CSMD1: variants seen among roughly 807,000 people sequenced by gnomAD.
CSMD1 encodes the protein CUB and sushi domain-containing protein 1.
In CSMD1, 213 loss-of-function variants were observed where a neutral mutation model predicts 417.5. The ratio of observed to expected loss-of-function variants is 0.51; its 90% confidence interval spans 0.46 to 0.57. The LOEUF (loss-of-function observed/expected upper bound fraction) is 0.57, where lower values mean the gene tolerates loss of function less well. Among genes scored for constraint, CSMD1 ranks in the 20% least tolerant of loss-of-function variants. The pLI is 0.00. For missense variants in CSMD1, 6,923 were observed against 4,529.7 expected, an observed-to-expected ratio of 1.53 and a Z score of -15.17; for synonymous variants, 2,862 against 1,736.8, an observed-to-expected ratio of 1.65 and a Z score of -16.11.
intron 36 of CSMD1, among the ~76,000 whole-genome samples, chr8:3,185,306 A>C (rs1318268036): frequency 2.0e-5 from 3 of 152,240 alleles, no homozygotes; most frequent in Non-Finnish European, 1.5e-5. Context: ...AACTGAAATT[A>C]ATAAAAAGGA....
In CSMD1 at chr8:4,022,456, G is replaced by A. The variant is rs537224817; in HGVS notation, c.610+9449C>T. On this transcript the variant is annotated intron_variant, in intron 4 of 69. Coordinates refer to ENST00000635120, the MANE Select transcript of CSMD1 (RefSeq NM_033225.6). ...ATCCATGGGCGTGGATGCAGATAAG[G>A]ACATTTGCAGCCTTGCTCAGGTTTA... 2.0e-5 allele frequency among the ~76,000 whole-genome samples: 3 copies of A among 152,238 alleles called. No homozygotes were observed. The South Asian group carries it at 6.2e-4, about 32-fold the overall frequency.
Position 3,343,522 on chromosome 8 carries a change from A to G in CSMD1, c.3475-72T>C, listed in dbSNP as rs1807797104. ...CTTATGTTAGCAATGGTAATAAACA[A>G]TCCAAATCTTCAAAGATGCAGTTTT... On this transcript the variant is annotated intron_variant, in intron 22 of 69. Coordinates refer to ENST00000635120, the MANE Select transcript of CSMD1 (RefSeq NM_033225.6). 9 of 1,327,974 alleles carry G rather than the reference A, an allele frequency of 6.8e-6. No homozygotes were observed. The East Asian group carries it at 2.2e-4, about 32-fold the overall frequency. The allele number at this position is 1,327,974 out of a possible 1,614,324, so 82.3% of individuals were successfully genotyped here.
At chr8:3,688,950 T>A (rs933651604) in intron 7 of CSMD1, among the ~76,000 whole-genome samples, 1 of 152,160 alleles carries the variant, frequency 6.6e-6, no homozygotes, top group Non-Finnish European at 1.5e-5. Context: ...ATTAAATGAA[T>A]GAAATATTAT....
Position 4,236,750 on chromosome 8 carries a change from T to C in CSMD1, c.415+183203A>G, listed in dbSNP as rs139577218. Among the ~76,000 whole-genome samples, 10 of 152,346 alleles carry C rather than the reference T, an allele frequency of 6.6e-5. No homozygotes were observed. In the East Asian group the frequency reaches 1.9e-3, roughly 29 times the overall value. On this transcript the variant is annotated intron_variant, in intron 3 of 69. Transcript: ENST00000635120. The stretch of plus-strand genomic sequence containing the variant: ...GCCTTCGAAGACTGCTGGATTAAAA[T>C]GGCTTATCTCAATACATTTTACAAG...
chr8:3,090,845 T>G (rs552584027), intron 48 of CSMD1, among the ~76,000 whole-genome samples: 1 of 152,212 alleles, frequency 6.6e-6, no homozygotes, highest in Non-Finnish European at 1.5e-5. Context: ...GTTTAAAGAA[T>G]AGTGTGGTCA....
At chr8:4,347,432 AG>A (rs766675814) in intron 3 of CSMD1, among the ~76,000 whole-genome samples, 2 of 152,206 alleles carry the variant, frequency 1.3e-5, no homozygotes, top group Admixed American at 6.5e-5. Flanking sequence ...TAAATATTTT[AG>A]CCAAACACAC....
intron 5 of CSMD1, among the ~76,000 whole-genome samples, chr8:3,827,690 T>A (rs1437399953): frequency 6.6e-6 from 1 of 152,220 alleles, no homozygotes; most frequent in Non-Finnish European, 1.5e-5. Context: ...ATTTATTGAC[T>A]TCATTGTGAG....
chr8:4,099,004 A>G (rs1291239367), intron 3 of CSMD1, among the ~76,000 whole-genome samples: 1 of 152,226 alleles, frequency 6.6e-6, no homozygotes, highest in African/African-American at 2.4e-5. Context: ...CTTAGACTCC[A>G]AACAACTCTT....
At position 4,500,267 on chromosome 8, in the gene CSMD1, G is replaced by A. The variant is rs1379207585; in HGVS notation, c.303-80202C>T. On this transcript the variant is annotated intron_variant, in intron 2 of 69. Transcript: ENST00000635120. The stretch of plus-strand genomic sequence containing the variant: ...GTAAGAGAGATCATAGAAATGGATC[G>A]TCAGCGAGTGTCAATTATGCCAATT... Among the ~76,000 whole-genome samples the A allele has an allele frequency of 3.9e-5, 6 of 152,134 alleles. No individual in the cohort carries two copies. In the East Asian group the frequency reaches 5.8e-4, roughly 15 times the overall value.
chr8:4,600,468 A>C (rs1800522277), intron 2 of CSMD1, among the ~76,000 whole-genome samples: 1 of 152,212 alleles, frequency 6.6e-6, no homozygotes, highest in Non-Finnish European at 1.5e-5. Flanking sequence ...CCTTTTCTTG[A>C]AGTCTGTTTA....
At chr8:4,180,295 G>T (rs1052421617) in intron 3 of CSMD1, among the ~76,000 whole-genome samples, 1 of 151,764 alleles carries the variant, frequency 6.6e-6, no homozygotes, top group African/African-American at 2.4e-5. Context: ...GATGACACTG[G>T]AAATCATCAT....
chr8:4,831,858 T>A (rs1800172623), intron 1 of CSMD1, among the ~76,000 whole-genome samples: 1 of 149,432 alleles, frequency 6.7e-6, no homozygotes, highest in East Asian at 2.0e-4. Flanking sequence ...GTGTGCCACA[T>A]CCAGAAGGTG....
intron 54 of CSMD1, among the ~76,000 whole-genome samples, chr8:2,992,239 C>T (rs527240531): frequency 4.6e-5 from 7 of 151,924 alleles, no homozygotes; most frequent in Non-Finnish European, 7.4e-5. Flanking sequence ...ATGCCACACT[C>T]ATTGCTGGGA....
chr8:3,711,266 G>C (rs1456462166), intron 6 of CSMD1, among the ~76,000 whole-genome samples: 1 of 152,116 alleles, frequency 6.6e-6, no homozygotes, highest in Non-Finnish European at 1.5e-5. Flanking sequence ...AAAAACTGTT[G>C]TCATCAGAGC....
intron 49 of CSMD1, among the ~76,000 whole-genome samples, chr8:3,055,759 T>C (rs901181989): frequency 5.3e-5 from 8 of 152,246 alleles, no homozygotes; most frequent in Non-Finnish European, 1.5e-5. Flanking sequence ...GAATAATCAT[T>C]TATTGATCCT....
intron 1 of CSMD1, among the ~76,000 whole-genome samples, chr8:4,914,891 G>A (rs184178398): frequency 6.6e-6 from 1 of 152,212 alleles, no homozygotes; most frequent in East Asian, 1.9e-4. Context: ...GAAAGACATG[G>A]GGTATTCCCA....
intron 3 of CSMD1, among the ~76,000 whole-genome samples, chr8:4,381,014 C>A (rs1803068171): frequency 6.6e-6 from 1 of 152,098 alleles, no homozygotes; most frequent in African/African-American, 2.4e-5. Context: ...GAACTCATTT[C>A]TCAGGGCAAA....
At chr8:4,732,532 C>T (rs989958859) in intron 1 of CSMD1, among the ~76,000 whole-genome samples, 5 of 152,108 alleles carry the variant, frequency 3.3e-5, no homozygotes, top group African/African-American at 1.2e-4. Context: ...TCCAGTCTTG[C>T]AATGCAATTG....
chr8:4,463,436 G>C (rs551131964), intron 2 of CSMD1, among the ~76,000 whole-genome samples: 4 of 152,276 alleles, frequency 2.6e-5, no homozygotes, highest in Admixed American at 6.5e-5. Flanking sequence ...TACTTAAAAT[G>C]TGTCCACGTA....
Sources: gnomAD v4.1 joint callset for allele counts (sites outside exome capture counted in the v4.1 genomes callset) on GRCh38, gnomAD v4.1.1 for gene constraint, MANE v1.5 for transcripts, NCBI Gene and HGNC (gene_info 2026-07-23, HGNC 2026-07-21) for gene names.